Variants in MAMLD1 observed in about 807,000 individuals in gnomAD.
MAMLD1 encodes the protein mastermind-like domain-containing protein 1.
In MAMLD1, 14 loss-of-function variants were observed where a neutral mutation model predicts 45.0. The observed-to-expected ratio is 0.31, with a 90% confidence interval of 0.21 to 0.49. The LOEUF is 0.49. Ranked by LOEUF, MAMLD1 falls within the 20% of genes least tolerant of loss-of-function variation. The pLI is 0.99. For synonymous variants in MAMLD1, 254 were observed against 247.8 expected, an observed-to-expected ratio of 1.02 and a Z score of -0.24; for missense variants, 543 against 603.6, an observed-to-expected ratio of 0.90 and a Z score of 1.05.
intron 2 of MAMLD1, among the ~76,000 whole-genome samples, chrX:150,455,759 G>C (rs2035837925): frequency 1.1e-5 from 1 of 87,749 alleles, no homozygotes; most frequent in Non-Finnish European, 2.2e-5. Context: ...TTGTGCAGAA[G>C]GTTTTCTTCT....
chrX:150,455,270 C>T lies in MAMLD1; in HGVS notation c.97-7502C>T, dbSNP rs781965735. On this transcript the variant is annotated intron_variant, in intron 2 of 7. Transcript: ENST00000370401. The stretch of plus-strand genomic sequence containing the variant: ...AGTTTGGATGAGGGATCTTTCATTT[C>T]ATAAAAGGATATACTGAGGATTTCC... Among the ~76,000 whole-genome samples, 10 of 112,078 alleles carry T rather than the reference C, an allele frequency of 8.9e-5. No individual in the cohort carries two copies. In the South Asian group the frequency reaches 3.7e-3, roughly 42 times the overall value.
At chrX:150,414,227 T>C (rs1205453007) in intron 1 of MAMLD1, among the ~76,000 whole-genome samples, 1 of 110,592 alleles carries the variant, frequency 9.0e-6, no homozygotes, top group African/African-American at 3.3e-5. Flanking sequence ...AAAGTGTGTT[T>C]AAGACAAAAG....
At chrX:150,450,877 T>C (rs781837811) in intron 2 of MAMLD1, among the ~76,000 whole-genome samples, 1 of 112,880 alleles carries the variant, frequency 8.9e-6, no homozygotes, top group Non-Finnish European at 1.9e-5. Flanking sequence ...CTTTCTACTT[T>C]GGGGATCCTC....
At chrX:150,433,536 G>A (rs1208913907) in intron 1 of MAMLD1, among the ~76,000 whole-genome samples, 1 of 111,680 alleles carries the variant, frequency 9.0e-6, no homozygotes, top group Non-Finnish European at 1.9e-5. Flanking sequence ...TATGATGTTG[G>A]CTGTAGGCTT....
intron 6 of MAMLD1, among the ~76,000 whole-genome samples, chrX:150,506,092 A>C (rs144416095): frequency 8.9e-6 from 1 of 112,001 alleles, no homozygotes; most frequent in East Asian, 2.8e-4. Context: ...CAAACAGTAC[A>C]AAAGAAGGTT....
intron 1 of MAMLD1, among the ~76,000 whole-genome samples, chrX:150,390,005 A>C (rs1288101816): frequency 8.9e-6 from 1 of 112,043 alleles, no homozygotes; most frequent in African/African-American, 3.2e-5. Context: ...CTGTCAACTT[A>C]CCTATGATGT....
Position 150,440,984 on chromosome X carries a change from T to A in MAMLD1, c.-63-4470T>A, listed in dbSNP as rs1486298300. Among the ~76,000 whole-genome samples the A allele has an allele frequency of 5.7e-5, 6 of 104,804 alleles. No homozygotes were observed. In the Admixed American group the frequency reaches 6.5e-4, roughly 11 times the overall value. The allele number at this position is 104,804 out of a possible 115,157, so 91.0% of individuals were successfully genotyped here. A position where few individuals can be genotyped will look rare whatever the true frequency, so the allele number is the denominator to read the frequency against. ...ATAAAAATTATTAAATATAAAATAATATAATATAATATTTAATATAAATAT... is the reference window on the plus strand; with the variant it reads ...ATAAAAATTATTAAATATAAAATAAAATAATATAATATTTAATATAAATAT... On this transcript the variant is annotated intron_variant, in intron 1 of 7. Transcript: ENST00000370401.
At chrX:150,384,841 T>C (rs2032844080) in intron 1 of MAMLD1, among the ~76,000 whole-genome samples, 1 of 111,978 alleles carries the variant, frequency 8.9e-6, no homozygotes, top group African/African-American at 3.2e-5. Context: ...TGATTCGATA[T>C]ATGTATATAT....
intron 1 of MAMLD1, among the ~76,000 whole-genome samples, chrX:150,366,748 C>A (rs112289435): frequency 0.02 from 2,254 of 110,963 alleles, 59 homozygotes; most frequent in African/African-American, 0.069. Context: ...CTCTGGGGGC[C>A]GCCCTGCCCT....
At chrX:150,404,863 C>A (rs1343985120) in intron 1 of MAMLD1, among the ~76,000 whole-genome samples, 2 of 112,318 alleles carry the variant, frequency 1.8e-5, no homozygotes, top group African/African-American at 6.5e-5. Flanking sequence ...TTCCTTTCTA[C>A]AAATTACTGA....
intron 1 of MAMLD1, among the ~76,000 whole-genome samples, chrX:150,399,960 T>C (rs782417543): frequency 1.8e-5 from 2 of 112,124 alleles, no homozygotes; most frequent in African/African-American, 6.5e-5. Context: ...TGGTACTCAA[T>C]CATCTTATAT....
chrX:150,490,266 G>T lies in MAMLD1; in HGVS notation c.2041-13008G>T, dbSNP rs782742801. ...GGAACAGAAACTGGTGGTAGAATTAGACTGACTACTTTGGATAACAAAGCC... is the reference window on the plus strand; with the variant it reads ...GGAACAGAAACTGGTGGTAGAATTATACTGACTACTTTGGATAACAAAGCC... On this transcript the variant is annotated intron_variant, in intron 5 of 7. Transcript: ENST00000370401. Among the ~76,000 whole-genome samples the T allele has an allele frequency of 1.1e-3, 118 of 112,270 alleles. 2 individuals are homozygous for T. In the Middle Eastern group the frequency reaches 0.014, roughly 13 times the overall value.
chrX:150,411,160 G>A (rs1407004748), intron 1 of MAMLD1, among the ~76,000 whole-genome samples: 1 of 111,605 alleles, frequency 9.0e-6, no homozygotes, highest in Non-Finnish European at 1.9e-5. Flanking sequence ...TACCAGCCAG[G>A]CCAGGGTCCT....
intron 1 of MAMLD1, among the ~76,000 whole-genome samples, chrX:150,415,924 A>C (rs2034237771): frequency 8.9e-6 from 1 of 112,326 alleles, no homozygotes; most frequent in Admixed American, 9.4e-5. Flanking sequence ...ACAATGGACA[A>C]AGTCAAGCTC....
chrX:150,490,331 G>C (rs1161103884), intron 5 of MAMLD1, among the ~76,000 whole-genome samples: 1 of 112,252 alleles, frequency 8.9e-6, no homozygotes, highest in Non-Finnish European at 1.9e-5. Flanking sequence ...CTATTTCTTT[G>C]TTACTTTGTC....
intron 2 of MAMLD1, among the ~76,000 whole-genome samples, chrX:150,453,964 A>G (rs782147704): frequency 3.3e-4 from 37 of 112,167 alleles, no homozygotes; most frequent in African/African-American, 1.2e-3. Context: ...CGTTTGTCCT[A>G]CTAGAATTCC....
intron 5 of MAMLD1, among the ~76,000 whole-genome samples, chrX:150,498,231 G>A (rs782259916): frequency 9.0e-6 from 1 of 111,543 alleles, no homozygotes; most frequent in Admixed American, 9.5e-5. Flanking sequence ...AAAGGGGCTC[G>A]ATATATGGTG....
chrX:150,403,939 G>GA (rs1406341111), intron 1 of MAMLD1, among the ~76,000 whole-genome samples: 14 of 30,071 alleles, frequency 4.7e-4, no homozygotes, highest in South Asian at 1.5e-3. Context: ...GAGAAAGAAA[G>GA]AAAAGAAAGA....
intron 1 of MAMLD1, among the ~76,000 whole-genome samples, chrX:150,364,895 G>GC (rs1300824042): frequency 1.8e-5 from 2 of 112,375 alleles, no homozygotes; most frequent in African/African-American, 6.4e-5. Flanking sequence ...GTGTTCCCTG[G>GC]TTGCGGTGAG....
Sources: allele counts gnomAD v4.1 joint callset (sites outside exome capture counted in the v4.1 genomes callset), GRCh38; gene constraint gnomAD v4.1.1; transcripts MANE v1.5; gene names NCBI Gene and HGNC (gene_info 2026-07-23, HGNC 2026-07-21).